DTNA: variants seen among roughly 807,000 people sequenced by gnomAD.
DTNA encodes the protein dystrobrevin alpha.
Under a neutral mutation model 100.7 loss-of-function variants are expected in DTNA, and 43 were observed. The ratio of observed to expected loss-of-function variants is 0.43; its 90% CI spans 0.33 to 0.55. The LOEUF is 0.55. DTNA is among the 20% of genes least tolerant of loss of function. The pLI is 0.04. For missense variants in DTNA, 798 were observed against 953.9 expected (o/e 0.84, Z 2.15); for synonymous variants, 349 against 347.9 (o/e 1.00, Z -0.04).
chr18:34,495,702 A>G (rs912455327), intron 1 of DTNA, among the ~76,000 whole-genome samples: 3 of 152,322 alleles, frequency 2.0e-5, no homozygotes, highest in Admixed American at 1.3e-4. Flanking sequence ...AGCCAATTGT[A>G]TGTACTTTAT....
intron 2 of DTNA, among the ~76,000 whole-genome samples, chr18:34,762,318 G>A (rs1601602710): frequency 1.3e-5 from 2 of 152,264 alleles, no homozygotes; most frequent in African/African-American, 4.8e-5. Flanking sequence ...TGTGGACTGG[G>A]TCACAATACA....
chr18:34,639,479 A>G (rs376313477), intron 1 of DTNA, among the ~76,000 whole-genome samples: 3 of 152,204 alleles, frequency 2.0e-5, no homozygotes, highest in East Asian at 1.9e-4. Flanking sequence ...ATAGAATTGC[A>G]GGTAATATTG....
intron 1 of DTNA, among the ~76,000 whole-genome samples, chr18:34,742,497 G>T (rs2090835484): frequency 6.6e-6 from 1 of 151,816 alleles, no homozygotes; most frequent in Non-Finnish European, 1.5e-5. Context: ...ATTGCATTGG[G>T]CCCACCAGGA....
At chr18:34,754,800 G>T (rs919374286) in intron 1 of DTNA, among the ~76,000 whole-genome samples, 3 of 152,152 alleles carry the variant, frequency 2.0e-5, no homozygotes, top group Non-Finnish European at 4.4e-5. Context: ...GCTCAGAATT[G>T]AAAGGCATTG....
rs993711269 is a variant in DTNA at position 34,867,746 on chromosome 18, G to A, written c.1743+3684G>A. On this transcript the variant is annotated intron_variant, in intron 17 of 22. Transcript: ENST00000444659. Reference sequence around the variant, plus strand: ...AAGGCTCCTATGGACCAGGAAGTTCGTAAACAGATGGATGCACAGAGCCAA... The same window carrying A: ...AAGGCTCCTATGGACCAGGAAGTTCATAAACAGATGGATGCACAGAGCCAA... The A allele has an allele frequency of 1.2e-5, 12 of 985,524 alleles. No homozygotes were observed. In the East Asian group the frequency reaches 6.8e-4, roughly 56 times the overall value. The allele number at this position is 985,524 out of a possible 1,614,324, so 61.0% of individuals were successfully genotyped here. A position where few individuals can be genotyped will look rare whatever the true frequency, so the allele number is the denominator to read the frequency against.
intron 1 of DTNA, among the ~76,000 whole-genome samples, chr18:34,535,875 A>T (rs1413994237): frequency 6.6e-6 from 1 of 152,124 alleles, no homozygotes; most frequent in East Asian, 1.9e-4. Flanking sequence ...CAAGTAGCAC[A>T]TGAATGTGTT....
intron 1 of DTNA, among the ~76,000 whole-genome samples, chr18:34,722,661 G>C (rs1032769319): frequency 1.3e-5 from 2 of 149,972 alleles, no homozygotes; most frequent in African/African-American, 4.9e-5. Flanking sequence ...AATCAAGATA[G>C]TGAACATATT....
intron 1 of DTNA, among the ~76,000 whole-genome samples, chr18:34,743,206 G>A (rs1469672195): frequency 2.6e-5 from 4 of 152,130 alleles, no homozygotes; most frequent in Non-Finnish European, 5.9e-5. Flanking sequence ...CGCTGGTCTT[G>A]GGGAAAGGAA....
chr18:34,591,181 G>A (rs9807484), intron 1 of DTNA, among the ~76,000 whole-genome samples: 1 of 151,384 alleles, frequency 6.6e-6, no homozygotes, highest in African/African-American at 2.4e-5. Context: ...TATTTGCCAC[G>A]TTAATATTTA....
intron 1 of DTNA, among the ~76,000 whole-genome samples, chr18:34,647,906 T>C (rs913930260): frequency 1.3e-5 from 2 of 152,100 alleles, no homozygotes; most frequent in African/African-American, 4.8e-5. Flanking sequence ...CCTCCATGGA[T>C]GAATGAATGA....
Position 34,764,792 on chromosome 18 carries a change from A to G in DTNA, c.68-1169A>G, listed in dbSNP as rs557177740. ...TTCTGTTTTACTCTAAAGGATTCAC[A>G]TAGCACATTTTATTAGTATATGACT... On this transcript the variant is annotated intron_variant, in intron 2 of 22. Coordinates refer to ENST00000444659, the MANE Select transcript of DTNA (RefSeq NM_001386795.1). Among the ~76,000 whole-genome samples, 3 of 152,364 alleles carry G rather than the reference A, an allele frequency of 2.0e-5. No homozygotes were observed. The South Asian group carries it at 6.2e-4, about 32-fold the overall frequency.
Position 34,834,550 on chromosome 18 carries a change from C to T in DTNA, c.1176-3544C>T, listed in dbSNP as rs542551253. Among the ~76,000 whole-genome samples, 9 of 151,988 alleles carry T rather than the reference C, an allele frequency of 5.9e-5. No homozygotes were observed. In the East Asian group the frequency reaches 1.4e-3, roughly 23 times the overall value. On this transcript the variant is annotated intron_variant, in intron 11 of 22. Transcript: ENST00000444659. ...TTGGCTCATGGTTCTGCAGGCTGTA[C>T]GTGAAGCATGGCATCAGCATCTGCT...
chr18:34,817,756 T>A (rs192805788), intron 7 of DTNA, among the ~76,000 whole-genome samples: 1 of 152,310 alleles, frequency 6.6e-6, no homozygotes, highest in African/African-American at 2.4e-5. Flanking sequence ...TTCGCTCTCT[T>A]CCCACTGGAC....
chr18:34,693,288 G>A (rs1407752399), intron 1 of DTNA, among the ~76,000 whole-genome samples: 1 of 152,030 alleles, frequency 6.6e-6, no homozygotes, highest in Non-Finnish European at 1.5e-5. Flanking sequence ...AATTATATTT[G>A]CCATAGATTA....
At chr18:34,706,420 TTTA>T (rs2082126191), upstream of DTNA, among the ~76,000 whole-genome samples, 1 of 152,188 alleles carries the variant, frequency 6.6e-6, no homozygotes, top group Non-Finnish European at 1.5e-5. Context: ...GTTACAAGTT[TTTA>T]TTATTAAGTT....
At chr18:34,497,090 A>G (rs1364940428) in intron 1 of DTNA, among the ~76,000 whole-genome samples, 1 of 152,224 alleles carries the variant, frequency 6.6e-6, no homozygotes, top group Admixed American at 6.5e-5. Context: ...GTTTAATGTA[A>G]TATAGTCATT....
chr18:34,744,805 G>A (rs2091300545), intron 1 of DTNA, among the ~76,000 whole-genome samples: 1 of 152,132 alleles, frequency 6.6e-6, no homozygotes. Context: ...GTGTGTGTCT[G>A]TGTGGGCAGT....
intron 1 of DTNA, among the ~76,000 whole-genome samples, chr18:34,701,910 C>T (rs908831395): frequency 6.6e-6 from 1 of 152,196 alleles, no homozygotes; most frequent in African/African-American, 2.4e-5. Context: ...GTTTCACTAT[C>T]CACCCTTTCC....
chr18:34,526,359 T>C (rs1307484373), intron 1 of DTNA, among the ~76,000 whole-genome samples: 1 of 152,150 alleles, frequency 6.6e-6, no homozygotes, highest in African/African-American at 2.4e-5. Flanking sequence ...GTAGGGATTC[T>C]AGACCCACAT....
Sources: gnomAD v4.1 joint callset for allele counts (sites outside exome capture counted in the v4.1 genomes callset) on GRCh38, gnomAD v4.1.1 for gene constraint, MANE v1.5 for transcripts, NCBI Gene and HGNC (gene_info 2026-07-23, HGNC 2026-07-21) for gene names.